NDEL1: variants seen among roughly 807,000 people sequenced by gnomAD.
NDEL1 encodes the protein nudE neurodevelopment protein 1 like 1.
A neutral mutation model predicts 45.7 loss-of-function variants in NDEL1; 9 were observed. That is an observed-to-expected ratio of 0.20 (90% CI 0.12 to 0.34). The LOEUF is 0.34. NDEL1 is among the 10% of genes least tolerant of loss of function. The pLI is 1.00. For synonymous variants in NDEL1, 133 were observed against 158.6 expected, an observed-to-expected ratio of 0.84 and a Z score of 1.21; for missense variants, 306 against 406.2, an observed-to-expected ratio of 0.75 and a Z score of 2.12.
At chr17:8,420,970 G>A (rs1490135780) in intron 1 of NDEL1, among the ~76,000 whole-genome samples, 1 of 152,182 alleles carries the variant, frequency 6.6e-6, no homozygotes, top group Admixed American at 6.5e-5. Flanking sequence ...TTCCCTAAGT[G>A]ATGGTCTGTG....
chr17:8,422,802 T>C (rs1268392006), intron 1 of NDEL1, among the ~76,000 whole-genome samples: 4 of 151,794 alleles, frequency 2.6e-5, no homozygotes, highest in Admixed American at 2.6e-4. Flanking sequence ...AATGGTGCGA[T>C]CTCGGCTCAC....
chr17:8,437,414 A>C (rs568107704), intron 1 of NDEL1, among the ~76,000 whole-genome samples: 13 of 152,342 alleles, frequency 8.5e-5, no homozygotes, highest in African/African-American at 2.4e-4. Flanking sequence ...GAACCTTAGT[A>C]AAACTTAGAT....
downstream of NDEL1, among the ~76,000 whole-genome samples, chr17:8,469,460 A>C (rs1470708515): frequency 6.6e-6 from 1 of 152,012 alleles, no homozygotes; most frequent in Non-Finnish European, 1.5e-5. Context: ...TGTTCTGCCA[A>C]TTGCTGGTCA....
At chr17:8,446,065 T>G (rs1451126766) in intron 3 of NDEL1, 1 of 401,610 alleles carries the variant, frequency 2.5e-6, no homozygotes. Context: ...TTAGAAACTT[T>G]GTAGTTGTCA....
At chr17:8,468,763 C>T (rs530427914), downstream of NDEL1, among the ~76,000 whole-genome samples, 9 of 152,328 alleles carry the variant, frequency 5.9e-5, no homozygotes, top group Non-Finnish European at 7.3e-5. Flanking sequence ...TAAGAGACTT[C>T]GGGAGGCCGA....
intron 7 of NDEL1, 33 bp downstream of exon 7, chr17:8,454,920 C>G: frequency 2.0e-6 from 3 of 1,508,776 alleles, no homozygotes; most frequent in Non-Finnish European, 2.8e-6. Context: ...TAGGTGTTTC[C>G]ACTGACAAGG....
intron 7 of NDEL1, among the ~76,000 whole-genome samples, chr17:8,458,851 TGC>T (rs1398499827): frequency 1.3e-5 from 2 of 152,164 alleles, no homozygotes; most frequent in Non-Finnish European, 2.9e-5. Context: ...CTTAGCCTCC[TGC>T]GTAGCTGGGA....
chr17:8,444,407 C>T (rs755158513), intron 2 of NDEL1, 50 bp downstream of exon 2: 13 of 1,210,446 alleles, frequency 1.1e-5, no homozygotes, highest in Admixed American at 4.0e-5. Flanking sequence ...TGGAATACAC[C>T]GTGTCTTGTT....
At chr17:8,435,682 A>G (rs1000454531), upstream of NDEL1, among the ~76,000 whole-genome samples, 2 of 152,346 alleles carry the variant, frequency 1.3e-5, no homozygotes, top group East Asian at 3.9e-4. Flanking sequence ...AGCCAAAACC[A>G]GCCGGTCGCA....
rs765394650 is a variant in NDEL1, at chr17:8,446,908, C to G, written c.389+6C>G. 1 of 1,612,936 alleles carries G rather than the reference C, an allele frequency of 6.2e-7. No individual in the cohort carries two copies. The highest frequency in any genetic ancestry group is 8.5e-7 in the Non-Finnish European group (1 of 1,179,400). ...GACCTGGAGCGAGCCAAAAGGTAAA[C>G]GAATGACTGCATTTTGTTAGAAAAA... On this transcript the variant is annotated splice_donor_region_variant and intron_variant, in intron 4 of 8. Coordinates refer to ENST00000334527, the MANE Select transcript of NDEL1 (RefSeq NM_030808.5).
chr17:8,450,982 A>G (rs749952232), intron 6 of NDEL1, 29 bp downstream of exon 6: 18 of 1,591,546 alleles, frequency 1.1e-5, no homozygotes, highest in Non-Finnish European at 1.5e-5. Context: ...TTTTGAGGCG[A>G]TGTGTTAGAT....
At chr17:8,417,134 C>T (rs914309504) in intron 1 of NDEL1, among the ~76,000 whole-genome samples, 60 of 151,024 alleles carry the variant, frequency 4.0e-4, no homozygotes, top group African/African-American at 1.2e-3. Context: ...TTCTTTTTTT[C>T]GAGACAGACT....
intron 8 of NDEL1, among the ~76,000 whole-genome samples, chr17:8,463,511 T>TTG (rs1911369668): frequency 6.6e-6 from 1 of 152,258 alleles, no homozygotes; most frequent in Non-Finnish European, 1.5e-5. Flanking sequence ...CCTGTTCGAC[T>TTG]TGACTGTATG....
intron 7 of NDEL1, among the ~76,000 whole-genome samples, chr17:8,456,814 C>T (rs1415912529): frequency 6.6e-6 from 1 of 152,068 alleles, no homozygotes; most frequent in Non-Finnish European, 1.5e-5. Flanking sequence ...TAGACTATAT[C>T]TTAACTCGCT....
chr17:8,423,583 C>T (rs1908754100), intron 1 of NDEL1, among the ~76,000 whole-genome samples: 1 of 152,162 alleles, frequency 6.6e-6, no homozygotes, highest in Admixed American at 6.5e-5. Context: ...ATTCAGGAGG[C>T]TGAGGCAGGA....
chr17:8,420,540 C>A (rs548728629), intron 1 of NDEL1, among the ~76,000 whole-genome samples: 1 of 152,208 alleles, frequency 6.6e-6, no homozygotes, highest in Non-Finnish European at 1.5e-5. Flanking sequence ...ACTACAAAGT[C>A]ACCACTGGCC....
chr17:8,456,985 A>C (rs1910890411), intron 7 of NDEL1, among the ~76,000 whole-genome samples: 1 of 152,254 alleles, frequency 6.6e-6, no homozygotes, highest in South Asian at 2.1e-4. Flanking sequence ...GTGTAATCAC[A>C]GAGGAGATGC....
chr17:8,418,200 G>T (rs1055217305), intron 1 of NDEL1, among the ~76,000 whole-genome samples: 22 of 152,022 alleles, frequency 1.4e-4, no homozygotes, highest in African/African-American at 5.1e-4. Context: ...CCTATCATCT[G>T]TCCCTGTGGG....
intron 1 of NDEL1, among the ~76,000 whole-genome samples, chr17:8,440,515 A>G (rs1281865242): frequency 1.3e-3 from 1 of 788 alleles, no homozygotes; most frequent in Non-Finnish European, 0.045. Context: ...CTCCATCTCA[A>G]AAAAAAAAAA....
Sources: gnomAD v4.1 joint callset for allele counts (sites outside exome capture counted in the v4.1 genomes callset) on GRCh38, gnomAD v4.1.1 for gene constraint, MANE v1.5 for transcripts, NCBI Gene and HGNC (gene_info 2026-07-23, HGNC 2026-07-21) for gene names.